The following TNR variants were observed in gnomAD, a reference collection of about 807,000 sequenced individuals.
TNR encodes tenascin R.
In TNR, 45 loss-of-function variants were observed where a neutral mutation model predicts 150.4. That is an observed-to-expected ratio of 0.30 (90% confidence interval 0.24 to 0.38). The LOEUF is 0.38. Ranked by LOEUF, TNR falls within the 10% of genes least tolerant of loss-of-function variation. The pLI is 1.00. For missense variants in TNR, 1,544 were observed against 1,759.1 expected, an observed-to-expected ratio of 0.88 and a Z score of 2.19; for synonymous variants, 687 against 678.4, an observed-to-expected ratio of 1.01 and a Z score of -0.20.
At chr1:175,351,910 G>A (rs1651070928) in intron 18 of TNR, among the ~76,000 whole-genome samples, 1 of 152,142 alleles carries the variant, frequency 6.6e-6, no homozygotes, top group Non-Finnish European at 1.5e-5. Context: ...AGCTGGTATT[G>A]GTCATGCCCC....
chr1:175,703,316 C>T (rs1558081842), intron 1 of TNR, among the ~76,000 whole-genome samples: 1 of 152,036 alleles, frequency 6.6e-6, no homozygotes, highest in Non-Finnish European at 1.5e-5. Flanking sequence ...CTCTACTAAC[C>T]CTTCTGTGAA....
intron 2 of TNR, among the ~76,000 whole-genome samples, chr1:175,502,240 C>T (rs75762997): frequency 6.6e-6 from 1 of 152,112 alleles, no homozygotes; most frequent in Non-Finnish European, 1.5e-5. Flanking sequence ...TCCCACGTAA[C>T]CCTAATATGC....
At chr1:175,733,731 C>T (rs563354664) in intron 1 of TNR, among the ~76,000 whole-genome samples, 3 of 152,042 alleles carry the variant, frequency 2.0e-5, no homozygotes, top group Non-Finnish European at 4.4e-5. Flanking sequence ...TGCTTTCCTC[C>T]CCTCCAGAAC....
At chr1:175,553,628 G>C (rs1661029717) in intron 1 of TNR, among the ~76,000 whole-genome samples, 1 of 152,038 alleles carries the variant, frequency 6.6e-6, no homozygotes, top group African/African-American at 2.4e-5. Flanking sequence ...GATGAGAGTA[G>C]CTCCTCAGTT....
intron 15 of TNR, among the ~76,000 whole-genome samples, chr1:175,359,136 C>CTTTTTT (rs1557883635): frequency 3.2e-5 from 1 of 30,960 alleles, no homozygotes; most frequent in South Asian, 1.1e-3. Flanking sequence ...TTGGGGATAT[C>CTTTTTT]TTCTTTTTTT....
intron 2 of TNR, among the ~76,000 whole-genome samples, chr1:175,517,618 G>A (rs558973073): frequency 9.9e-5 from 15 of 152,162 alleles, no homozygotes; most frequent in Non-Finnish European, 1.6e-4. Flanking sequence ...CTCGCCATGA[G>A]GTGAGACCTA....
chr1:175,640,953 G>T (rs1196498751), intron 1 of TNR, among the ~76,000 whole-genome samples: 1 of 152,074 alleles, frequency 6.6e-6, no homozygotes, highest in Non-Finnish European at 1.5e-5. Flanking sequence ...CTGGAAAAAG[G>T]TAACAACCTA....
chr1:175,635,932 C>T (rs1664477918), intron 1 of TNR, among the ~76,000 whole-genome samples: 1 of 152,182 alleles, frequency 6.6e-6, no homozygotes, highest in Admixed American at 6.5e-5. Flanking sequence ...AGATATCATA[C>T]ATACTCAGTT....
chr1:175,330,090 G>T lies in TNR; in HGVS notation c.3777C>A (p.Ser1259Arg), dbSNP rs745857010. The change falls in exon 21 of 23, where the codon AGC (serine) becomes AGA (arginine). Residue 1259 changes from serine (S) to arginine (R), a missense_variant. Ser to Arg is a moderately radical substitution (Grantham distance 110, BLOSUM62 -1). Around this residue, in one of 2 missense-constraint regions of TNR, gnomAD observed 290 missense variants for 429.7 expected, o/e 0.67. Coordinates refer to ENST00000367674, the MANE Select transcript of TNR (RefSeq NM_003285.3). ...CATAGGTACCCGCAGTGCCGTTGTA[G>T]CTTCCTATGCGGAGTTTGTACAGGT... ...SRNLYKLRIGSYNGTAGDSLS... is the reference protein window; with the variant it reads ...SRNLYKLRIGRYNGTAGDSLS... 1.3e-6 allele frequency: 2 copies of T among 1,595,488 alleles called. No individual in the cohort carries two copies. The highest frequency in any genetic ancestry group is 1.1e-5 in the South Asian group (1 of 90,048).
At chr1:175,346,429 C>T (rs566622196) in intron 18 of TNR, among the ~76,000 whole-genome samples, 179 of 151,980 alleles carry the variant, frequency 1.2e-3, no homozygotes, top group African/African-American at 4.2e-3. Context: ...ACAAAGATGC[C>T]ATATTGACAC....
chr1:175,430,359 GA>G (rs1395888475), intron 2 of TNR, among the ~76,000 whole-genome samples: 1 of 152,156 alleles, frequency 6.6e-6, no homozygotes, highest in African/African-American at 2.4e-5. Context: ...CCTTCAGTAG[GA>G]ATTAAGTCAG....
At chr1:175,586,502 C>T (rs7517176) in intron 1 of TNR, among the ~76,000 whole-genome samples, 18,627 of 152,044 alleles carry the variant, frequency 0.12, 1,444 homozygotes, top group African/African-American at 0.22. Flanking sequence ...GGTTTCACCA[C>T]GTTGGCCAGG....
chr1:175,597,169 C>G (rs575674526), intron 1 of TNR, among the ~76,000 whole-genome samples: 3 of 152,102 alleles, frequency 2.0e-5, no homozygotes, highest in African/African-American at 7.2e-5. Context: ...GACATCCCTG[C>G]GAGGCAGGTG....
Position 175,363,770 on chromosome 1 carries a change from A to G in TNR, c.2645T>C (p.Val882Ala). 1 of 1,613,924 alleles carries G rather than the reference A, an allele frequency of 6.2e-7. No homozygotes were observed. The highest frequency in any genetic ancestry group is 8.5e-7 in the Non-Finnish European group (1 of 1,179,866). The change falls in exon 13 of 23, where the codon GTC (valine) becomes GCC (alanine). Residue 882 changes from valine to alanine, a missense_variant. Val to Ala is a moderately conservative substitution (Grantham distance 64, BLOSUM62 0). Around this residue, in one of 2 missense-constraint regions of TNR, gnomAD observed 1,254 missense variants for 1,329.4 expected, o/e 0.94. Transcript: ENST00000367674. ...ISNVTKDSVM[V>A]SWSPPVASFD... ...AGATGCAACAGGAGGGCTCCAGGAG[A>G]CCATCACTGAGTCCTTGGTCACATT...
chr1:175,366,011 G>A lies in TNR; in HGVS notation c.2181C>T (p.Ala727=). 1 of 1,614,142 alleles carries A rather than the reference G, an allele frequency of 6.2e-7. No homozygotes were observed. Among genetic ancestry groups the A allele is most frequent in the Non-Finnish European group, 8.5e-7 (1 of 1,180,010 alleles). Residue 727 remains alanine, a synonymous_variant, in exon 11 of 23, where the codon GCC becomes GCT. Transcript: ENST00000367674. ...TGTCCTTGGGTACGGTGACTTCTGA[G>A]GCAATCCCAGAGGATGGGGTAAAGG... is the stretch of plus-strand genomic sequence containing the variant. ...RITFTPSSGI[A]SEVTVPKDRT... is the part of the protein sequence containing the mutation.
intron 1 of TNR, among the ~76,000 whole-genome samples, chr1:175,677,253 C>A (rs1665891709): frequency 6.6e-6 from 1 of 152,204 alleles, no homozygotes; most frequent in Admixed American, 6.5e-5. Flanking sequence ...AACCAGAGTG[C>A]ATTCAGTGAG....
At chr1:175,651,650 C>A (rs1156357391) in intron 1 of TNR, among the ~76,000 whole-genome samples, 1 of 151,920 alleles carries the variant, frequency 6.6e-6, no homozygotes, top group Admixed American at 6.6e-5. Flanking sequence ...AGTGTTCAAA[C>A]AAAATAATCC....
chr1:175,718,235 A>G (rs1667206203), intron 1 of TNR, among the ~76,000 whole-genome samples: 1 of 152,122 alleles, frequency 6.6e-6, no homozygotes, highest in Non-Finnish European at 1.5e-5. Flanking sequence ...AACTCCCCAG[A>G]ACTCTGCCCC....
chr1:175,528,023 A>G (rs1462543919), intron 2 of TNR, among the ~76,000 whole-genome samples: 6 of 152,182 alleles, frequency 3.9e-5, no homozygotes, highest in Non-Finnish European at 8.8e-5. Flanking sequence ...CAACCGCATC[A>G]TGAAATGCAT....
Sources: gnomAD v4.1 joint callset for allele counts (sites outside exome capture counted in the v4.1 genomes callset) on GRCh38, gnomAD v4.1.1 for gene constraint, gnomAD v4.1.1 regional missense constraint, MANE v1.5 for transcripts, NCBI Gene and HGNC (gene_info 2026-07-23, HGNC 2026-07-21) for gene names.